Variants in RBFOX1 observed in about 807,000 individuals in gnomAD.
The protein encoded by RBFOX1 is RNA binding fox-1 homolog 1.
RBFOX1 carries 8 observed loss-of-function variants against 57.7 expected under a neutral mutation model. That is an observed-to-expected ratio of 0.14 (90% CI 0.08 to 0.25). The LOEUF is 0.25. RBFOX1 is among the 10% of genes least tolerant of loss of function. The pLI is 1.00. For synonymous variants in RBFOX1, 326 were observed against 222.4 expected, an observed-to-expected ratio of 1.47 and a Z score of -4.15; for missense variants, 611 against 548.5, an observed-to-expected ratio of 1.11 and a Z score of -1.14.
At chr16:6,766,152 G>GA (rs1380867084) in intron 3 of RBFOX1, among the ~76,000 whole-genome samples, 2 of 149,610 alleles carry the variant, frequency 1.3e-5, no homozygotes, top group African/African-American at 4.9e-5. Context: ...TATTTAAAAA[G>GA]AAAAAAAAGC....
chr16:5,513,007 C>T (rs942764578), intron 2 of RBFOX1, among the ~76,000 whole-genome samples: 5 of 152,156 alleles, frequency 3.3e-5, no homozygotes, highest in East Asian at 1.9e-4. Flanking sequence ...CCTCCACCTC[C>T]TAGGCTCAAA....
In RBFOX1 at chr16:7,487,060, C is replaced by T. The variant is rs969827637; in HGVS notation, c.28-31087C>T. Among the ~76,000 whole-genome samples the T allele has an allele frequency of 7.9e-5, 12 of 152,098 alleles. No homozygotes were observed. The South Asian group carries it at 1.5e-3, about 18-fold the overall frequency. ...GCTTACAGGTACCTGCCATCATGCC[C>T]AGCTAATTTTTGTAATTTTAGTAGA... On this transcript the variant is annotated intron_variant, in intron 4 of 15. Coordinates refer to ENST00000550418, the MANE Select transcript of RBFOX1 (RefSeq NM_018723.4).
chr16:6,645,746 G>A (rs895225364), intron 2 of RBFOX1, among the ~76,000 whole-genome samples: 3 of 152,154 alleles, frequency 2.0e-5, no homozygotes, highest in Non-Finnish European at 4.4e-5. Flanking sequence ...ATGTCATCAA[G>A]GACAGCTGAC....
chr16:7,675,445 T>C (rs759275066), intron 13 of RBFOX1, among the ~76,000 whole-genome samples: 1 of 152,094 alleles, frequency 6.6e-6, no homozygotes, highest in African/African-American at 2.4e-5. Flanking sequence ...TATTGGTGAT[T>C]ATGTGGCAGG....
chr16:5,880,079 C>T (rs550392581), intron 4 of RBFOX1, among the ~76,000 whole-genome samples: 27 of 152,322 alleles, frequency 1.8e-4, no homozygotes, highest in Non-Finnish European at 3.4e-4. Context: ...CACCTCTATT[C>T]TCATCTCAGT....
At chr16:7,263,030 C>T (rs1442867576) in intron 4 of RBFOX1, among the ~76,000 whole-genome samples, 3 of 152,186 alleles carry the variant, frequency 2.0e-5, no homozygotes, top group Non-Finnish European at 4.4e-5. Context: ...GCAGCCTCTG[C>T]AGGTGGAATG....
chr16:6,583,174 C>A (rs144077618), intron 2 of RBFOX1, among the ~76,000 whole-genome samples: 3 of 152,254 alleles, frequency 2.0e-5, no homozygotes, highest in Admixed American at 2.0e-4. Context: ...TTCTTGGTTG[C>A]TTCAGCAAAA....
chr16:6,187,295 G>C (rs1003695064), intron 1 of RBFOX1, among the ~76,000 whole-genome samples: 1 of 151,950 alleles, frequency 6.6e-6, no homozygotes, highest in Non-Finnish European at 1.5e-5. Flanking sequence ...GAGATGCTTT[G>C]GTCTAAGCCA....
chr16:6,027,692 T>G (rs568873035), intron 1 of RBFOX1, among the ~76,000 whole-genome samples: 22 of 152,216 alleles, frequency 1.4e-4, no homozygotes, highest in Non-Finnish European at 2.6e-4. Flanking sequence ...CTATTATCCA[T>G]TGATAATAAT....
chr16:7,341,026 A>T (rs750678148), intron 4 of RBFOX1, among the ~76,000 whole-genome samples: 1 of 152,118 alleles, frequency 6.6e-6, no homozygotes, highest in Non-Finnish European at 1.5e-5. Flanking sequence ...TGAGCTTTTG[A>T]TGGTGGAGCA....
intron 4 of RBFOX1, among the ~76,000 whole-genome samples, chr16:7,414,191 T>C (rs900543073): frequency 6.6e-5 from 10 of 152,228 alleles, no homozygotes; most frequent in African/African-American, 2.2e-4. Context: ...TACACTTCCA[T>C]GCACCAAGAT....
At chr16:5,681,611 T>C (rs1264657293) in intron 3 of RBFOX1, among the ~76,000 whole-genome samples, 1 of 151,852 alleles carries the variant, frequency 6.6e-6, no homozygotes, top group East Asian at 1.9e-4. Flanking sequence ...CAGGCTGGAC[T>C]CGAACTCCCG....
At chr16:7,385,354 G>A (rs139986937) in intron 4 of RBFOX1, among the ~76,000 whole-genome samples, 1 of 152,270 alleles carries the variant, frequency 6.6e-6, no homozygotes, top group East Asian at 1.9e-4. Context: ...GAAATGGAAG[G>A]TGAAGGAAAT....
At chr16:5,299,622 C>T (rs1177297971) in intron 1 of RBFOX1, among the ~76,000 whole-genome samples, 1 of 152,166 alleles carries the variant, frequency 6.6e-6, no homozygotes, top group East Asian at 1.9e-4. Context: ...ACAGCCATTT[C>T]AGTCATTGAT....
chr16:5,649,668 G>C (rs1057490993), intron 3 of RBFOX1, among the ~76,000 whole-genome samples: 3 of 151,976 alleles, frequency 2.0e-5, no homozygotes, highest in African/African-American at 4.8e-5. Flanking sequence ...TCTGTTTTTT[G>C]GTACTTTACA....
intron 4 of RBFOX1, among the ~76,000 whole-genome samples, chr16:7,072,872 A>G (rs2057605007): frequency 1.3e-5 from 2 of 152,188 alleles, no homozygotes; most frequent in African/African-American, 2.4e-5. Context: ...TGAAGAATTT[A>G]CAAGTTGGGG....
intron 1 of RBFOX1, among the ~76,000 whole-genome samples, chr16:6,308,245 T>C (rs978583864): frequency 1.3e-5 from 2 of 152,236 alleles, no homozygotes; most frequent in Admixed American, 6.5e-5. Context: ...CTATAAATGA[T>C]CATCATCTGT....
At chr16:6,656,188 G>A (rs565974026) in intron 3 of RBFOX1, among the ~76,000 whole-genome samples, 3 of 152,270 alleles carry the variant, frequency 2.0e-5, no homozygotes, top group South Asian at 2.1e-4. Context: ...CTGCCCAGCC[G>A]AATCATTCCG....
chr16:6,587,938 A>T (rs771728908), intron 2 of RBFOX1, among the ~76,000 whole-genome samples: 17 of 152,186 alleles, frequency 1.1e-4, no homozygotes, highest in Admixed American at 6.5e-4. Context: ...CTTAAAAACA[A>T]GGCGGTTTTT....
Sources: allele counts gnomAD v4.1 joint callset (sites outside exome capture counted in the v4.1 genomes callset), GRCh38; gene constraint gnomAD v4.1.1; transcripts MANE v1.5; gene names NCBI Gene and HGNC (gene_info 2026-07-23, HGNC 2026-07-21).